The following FILIP1L variants were observed in gnomAD, a reference collection of about 807,000 sequenced individuals.
FILIP1L encodes the protein filamin A interacting protein 1 like.
A neutral mutation model predicts 96.6 loss-of-function variants in FILIP1L; 55 were observed. The ratio of observed to expected loss-of-function variants is 0.57; its 90% CI spans 0.46 to 0.71. FILIP1L has a LOEUF of 0.71. Ranked by LOEUF, FILIP1L falls within the 30% of genes least tolerant of loss-of-function variation. FILIP1L has a pLI of 0.00. For missense variants in FILIP1L, 1,304 were observed against 1,321.2 expected (o/e 0.99, Z 0.20); for synonymous variants, 467 against 473.9 (o/e 0.99, Z 0.19).
intron 1 of FILIP1L, among the ~76,000 whole-genome samples, chr3:99,984,040 G>A (rs1056911831): frequency 7.3e-5 from 11 of 151,640 alleles, no homozygotes; most frequent in Admixed American, 5.9e-4. Context: ...GCATGAAAAA[G>A]GATGTATATG....
intron 1 of FILIP1L, among the ~76,000 whole-genome samples, chr3:100,085,049 A>C (rs905255974): frequency 2.6e-5 from 4 of 152,228 alleles, no homozygotes; most frequent in African/African-American, 9.6e-5. Flanking sequence ...TATGGTACAG[A>C]TCTCTGCTGA....
intron 3 of FILIP1L, among the ~76,000 whole-genome samples, chr3:99,929,592 A>G (rs1409761964): frequency 1.3e-5 from 2 of 151,946 alleles, no homozygotes; most frequent in Non-Finnish European, 2.9e-5. Context: ...ATGTGCCTGC[A>G]CATGCACGTG....
At chr3:99,920,134 T>C (rs901355952) in intron 4 of FILIP1L, among the ~76,000 whole-genome samples, 1 of 152,216 alleles carries the variant, frequency 6.6e-6, no homozygotes, top group Non-Finnish European at 1.5e-5. Context: ...AGAGCTGCCA[T>C]AACAATATTT....
chr3:99,869,256 G>T (rs540245327), intron 4 of FILIP1L, among the ~76,000 whole-genome samples: 1 of 152,150 alleles, frequency 6.6e-6, no homozygotes. Context: ...AACTTTGCCT[G>T]TGATTCTTTG....
intron 1 of FILIP1L, among the ~76,000 whole-genome samples, chr3:99,953,695 C>T (rs892026670): frequency 1.3e-5 from 2 of 152,200 alleles, no homozygotes; most frequent in Non-Finnish European, 1.5e-5. Flanking sequence ...CTTGTCATTT[C>T]TACTGGAATG....
At chr3:99,954,820 T>C (rs1034855387) in intron 1 of FILIP1L, among the ~76,000 whole-genome samples, 6 of 151,042 alleles carry the variant, frequency 4.0e-5, no homozygotes, top group African/African-American at 9.7e-5. Context: ...AGCAAGACTC[T>C]GTCTCAAAAA....
intron 4 of FILIP1L, among the ~76,000 whole-genome samples, chr3:99,920,783 A>G (rs1441691079): frequency 6.6e-6 from 1 of 152,240 alleles, no homozygotes; most frequent in Non-Finnish European, 1.5e-5. Context: ...TCCACATAAA[A>G]CAAATTCTCC....
intron 5 of FILIP1L, among the ~76,000 whole-genome samples, chr3:99,831,313 G>A (rs1290678716): frequency 1.3e-5 from 2 of 152,206 alleles, no homozygotes; most frequent in East Asian, 1.9e-4. Flanking sequence ...TTATTTACAT[G>A]TGAAGAGAAA....
intron 4 of FILIP1L, among the ~76,000 whole-genome samples, chr3:99,875,614 C>A (rs1216881711): frequency 2.6e-5 from 4 of 152,116 alleles, no homozygotes; most frequent in African/African-American, 9.7e-5. Context: ...CAGTGTTTTT[C>A]TAGTCGTTTA....
chr3:100,057,702 C>T (rs887951316), intron 1 of FILIP1L, among the ~76,000 whole-genome samples: 3 of 152,080 alleles, frequency 2.0e-5, no homozygotes, highest in South Asian at 2.1e-4. Flanking sequence ...CCTGCTTGCC[C>T]GGGTGTTTCA....
At chr3:100,091,573 G>A (rs1238448408) in intron 1 of FILIP1L, among the ~76,000 whole-genome samples, 2 of 152,174 alleles carry the variant, frequency 1.3e-5, no homozygotes, top group African/African-American at 4.8e-5. Context: ...CAAAAGTGTA[G>A]CCATGTTCTA....
chr3:100,013,560 T>C (rs980628802), intron 1 of FILIP1L, among the ~76,000 whole-genome samples: 6 of 152,166 alleles, frequency 3.9e-5, no homozygotes, highest in African/African-American at 1.4e-4. Flanking sequence ...TGAGTTTTAT[T>C]AGATAAAAAG....
intron 5 of FILIP1L, among the ~76,000 whole-genome samples, chr3:99,834,707 C>T (rs1942826037): frequency 6.6e-6 from 1 of 152,106 alleles, no homozygotes; most frequent in Non-Finnish European, 1.5e-5. Context: ...TCTTCATTTG[C>T]ACCCACTTAA....
intron 4 of FILIP1L, among the ~76,000 whole-genome samples, chr3:99,873,507 G>GT (rs935611374): frequency 8.6e-5 from 13 of 151,988 alleles, no homozygotes; most frequent in East Asian, 5.8e-4. Flanking sequence ...GGGGCTGTAT[G>GT]TTTTTTTTCT....
rs117202110 is a variant in FILIP1L, at chr3:99,903,940, A to G, written c.605+20290T>C. 7.2e-5 allele frequency among the ~76,000 whole-genome samples: 11 copies of G among 152,350 alleles called. No homozygotes were observed. In the East Asian group the frequency reaches 1.9e-3, roughly 27 times the overall value. On this transcript the variant is annotated intron_variant, in intron 4 of 5. Transcript: ENST00000477258. ...ACTCTTCATTTGGTAATAGAAAAAT[A>G]TGGCTTCAAGTAATAGAAACAAGCC...
chr3:99,931,894 C>G (rs1472118833), intron 1 of FILIP1L, among the ~76,000 whole-genome samples: 1 of 152,146 alleles, frequency 6.6e-6, no homozygotes, highest in Non-Finnish European at 1.5e-5. Flanking sequence ...ATCAGTTGAA[C>G]TTATAATTGA....
chr3:99,850,292 G>C lies in FILIP1L; in HGVS notation c.1384C>G (p.Leu462Val). 1.2e-6 allele frequency: 2 copies of C among 1,613,772 alleles called. No homozygotes were observed. The highest frequency in any genetic ancestry group is 1.7e-6 in the Non-Finnish European group (2 of 1,179,956). ...RMTTKQLSQE[L>V]ESLKVRIKEL... ...TTGATCCTTACTTTTAAACTCTCCA[G>C]TTCTTGAGACAACTGCTTTGTGGTC... Residue 462 changes from leucine to valine, a missense_variant, in exon 5 of 6, where the codon CTG becomes GTG. Leu to Val is a conservative substitution (Grantham distance 32, BLOSUM62 1). Transcript: ENST00000477258.
chr3:99,895,557 T>A (rs1706224195), intron 4 of FILIP1L, among the ~76,000 whole-genome samples: 2 of 152,156 alleles, frequency 1.3e-5, no homozygotes, highest in South Asian at 4.1e-4. Flanking sequence ...GGGAACTTAG[T>A]TCACAATAGC....
intron 1 of FILIP1L, among the ~76,000 whole-genome samples, chr3:99,964,768 T>C (rs1262030196): frequency 6.6e-6 from 1 of 152,162 alleles, no homozygotes; most frequent in Non-Finnish European, 1.5e-5. Context: ...CCTAGGAGAC[T>C]AATGCCCAGA....
Sources: allele counts gnomAD v4.1 joint callset (sites outside exome capture counted in the v4.1 genomes callset), GRCh38; gene constraint gnomAD v4.1.1; transcripts MANE v1.5; gene names NCBI Gene and HGNC (gene_info 2026-07-23, HGNC 2026-07-21).